GPC3: variants seen among roughly 807,000 people sequenced by gnomAD.
GPC3 encodes the protein glypican 3, also known as glypican-3.
Under a neutral mutation model 34.4 loss-of-function variants are expected in GPC3, and 3 were observed. The ratio of observed to expected loss-of-function variants is 0.09; its 90% CI spans 0.04 to 0.23. The LOEUF (loss-of-function observed/expected upper bound fraction) is 0.23, where lower values mean the gene tolerates loss of function less well. Among genes scored for constraint, GPC3 ranks in the 10% least tolerant of loss-of-function variants. The probability of loss-of-function intolerance (pLI) is 1.00; values close to 1 mark genes in which losing one functional copy is unlikely to be tolerated. For missense variants in GPC3, 351 were observed against 445.6 expected (o/e 0.79, Z 1.91); for synonymous variants, 177 against 174.0 (o/e 1.02, Z -0.13).
At chrX:133,818,179 A>T (rs2075701649) in intron 2 of GPC3, among the ~76,000 whole-genome samples, 1 of 111,502 alleles carries the variant, frequency 9.0e-6, no homozygotes, top group Non-Finnish European at 1.9e-5. Context: ...ATTGCAGCAC[A>T]ATGTAGTGGT....
chrX:133,823,351 GA>G (rs1249767338), intron 2 of GPC3, among the ~76,000 whole-genome samples: 10 of 109,437 alleles, frequency 9.1e-5, no homozygotes, highest in African/African-American at 3.0e-4. Flanking sequence ...AAATTAAAAA[GA>G]AAAACATTTC....
At chrX:133,840,465 C>T (rs2075819028) in intron 2 of GPC3, among the ~76,000 whole-genome samples, 1 of 110,832 alleles carries the variant, frequency 9.0e-6, no homozygotes, top group Admixed American at 9.6e-5. Context: ...TGGCTTCATC[C>T]CTAAAATGGG....
intron 2 of GPC3, among the ~76,000 whole-genome samples, chrX:133,919,673 A>T (rs1458204134): frequency 3.7e-5 from 4 of 109,534 alleles, no homozygotes; most frequent in African/African-American, 1.3e-4. Context: ...ATTTAAAAAA[A>T]ATATTAGCCA....
Position 133,817,908 on chromosome X carries a change from T to C in GPC3, c.338-63732A>G, listed in dbSNP as rs1051719372. Among the ~76,000 whole-genome samples the C allele has an allele frequency of 8.1e-5, 9 of 111,124 alleles. No individual in the cohort carries two copies. In the East Asian group the frequency reaches 2.5e-3, roughly 31 times the overall value. ...AAACACTTTTTTTCCCCATTGGAAA[T>C]TATAAAATGATATCCTAGCTCATTG... On this transcript the variant is annotated intron_variant, in intron 2 of 7. Transcript: ENST00000370818.
chrX:133,888,064 C>A lies in GPC3; in HGVS notation c.337+64986G>T, dbSNP rs771085168. Among the ~76,000 whole-genome samples the A allele has an allele frequency of 5.5e-5, 6 of 109,869 alleles. No individual in the cohort carries two copies. In the South Asian group the frequency reaches 2.4e-3, roughly 45 times the overall value. On this transcript the variant is annotated intron_variant, in intron 2 of 7. Coordinates refer to ENST00000370818, the MANE Select transcript of GPC3 (RefSeq NM_004484.4). ...CATTAGGTATTTCTCCTAATGTTGT[C>A]CCTCCCCTAGCCCCACACCCCACGA... is the stretch of plus-strand genomic sequence containing the variant.
At chrX:133,899,280 T>C (rs989573791) in intron 2 of GPC3, among the ~76,000 whole-genome samples, 4 of 111,765 alleles carry the variant, frequency 3.6e-5, no homozygotes, top group African/African-American at 1.3e-4. Context: ...GGTGTATATT[T>C]ACATCATGAT....
rs5933327 is a variant in GPC3 at position 133,548,008 on chromosome X, C to T, written c.1574-11715G>A. Among the ~76,000 whole-genome samples the T allele has an allele frequency of 3.7e-4, 41 of 111,332 alleles. 1 individual carries two copies. Among genetic ancestry groups the T allele is most frequent in the Admixed American group, 3.2e-3 (33 of 10,423 alleles). On this transcript the variant is annotated intron_variant, in intron 7 of 7. Transcript: ENST00000370818. ...GACACTTTTATACATTCTCAGGAAA[C>T]TTACATTTGCTTTTGTAACTCATAC...
chrX:133,668,577 G>A (rs1388010734), intron 5 of GPC3, among the ~76,000 whole-genome samples: 3 of 109,429 alleles, frequency 2.7e-5, no homozygotes, highest in Admixed American at 2.0e-4. Flanking sequence ...ATCACCCAAA[G>A]CACCTCATGG....
chrX:133,850,946 A>AT (rs1380007183), intron 2 of GPC3, among the ~76,000 whole-genome samples: 1 of 109,472 alleles, frequency 9.1e-6, no homozygotes, highest in African/African-American at 3.3e-5. Flanking sequence ...AATACAAAAA[A>AT]AAAAAAAATT....
At chrX:133,670,016 C>G (rs1024310967) in intron 5 of GPC3, among the ~76,000 whole-genome samples, 1 of 111,585 alleles carries the variant, frequency 9.0e-6, no homozygotes, top group African/African-American at 3.3e-5. Context: ...AAGCCATAAA[C>G]AGAAAAGGAA....
chrX:133,875,599 A>C (rs900440726), intron 2 of GPC3, among the ~76,000 whole-genome samples: 1 of 111,074 alleles, frequency 9.0e-6, no homozygotes, highest in Non-Finnish European at 1.9e-5. Context: ...TGGATATCCC[A>C]GTCTCTCATA....
chrX:133,789,835 G>C (rs1301390565), intron 2 of GPC3, among the ~76,000 whole-genome samples: 2 of 112,838 alleles, frequency 1.8e-5, no homozygotes, highest in Admixed American at 1.9e-4. Flanking sequence ...GTAAACGAGA[G>C]CAGAGAGCAC....
chrX:133,887,665 T>C (rs947680000), intron 2 of GPC3, among the ~76,000 whole-genome samples: 2 of 111,919 alleles, frequency 1.8e-5, no homozygotes, highest in East Asian at 5.6e-4. Flanking sequence ...TGCCAGGGCC[T>C]GATTTTTCAC....
chrX:133,835,498 C>T (rs1372200963), intron 2 of GPC3, among the ~76,000 whole-genome samples: 1 of 111,715 alleles, frequency 9.0e-6, no homozygotes, highest in Non-Finnish European at 1.9e-5. Context: ...TGAACTAATC[C>T]CAAAATTGCA....
intron 2 of GPC3, among the ~76,000 whole-genome samples, chrX:133,805,846 A>G (rs762748567): frequency 5.3e-5 from 6 of 112,202 alleles, no homozygotes; most frequent in Non-Finnish European, 1.1e-4. Flanking sequence ...ACCTTAAAGA[A>G]TCACTTTATA....
chrX:133,864,528 C>T (rs914357303), intron 2 of GPC3, among the ~76,000 whole-genome samples: 1 of 111,654 alleles, frequency 9.0e-6, no homozygotes, highest in Non-Finnish European at 1.9e-5. Flanking sequence ...TTCCACCTGG[C>T]CCCATCACTG....
intron 1 of GPC3, among the ~76,000 whole-genome samples, chrX:133,953,833 G>A (rs1031940970): frequency 1.8e-5 from 2 of 111,746 alleles, no homozygotes; most frequent in South Asian, 3.7e-4. Flanking sequence ...CAAAGTCCCC[G>A]CCCTCATGGA....
In GPC3 at chrX:133,799,401, T is replaced by G. The variant is rs777940655; in HGVS notation, c.338-45225A>C. 3.6e-5 allele frequency among the ~76,000 whole-genome samples: 4 copies of G among 110,411 alleles called. No homozygotes were observed. The East Asian group carries it at 1.2e-3, about 32-fold the overall frequency. On this transcript the variant is annotated intron_variant, in intron 2 of 7. Coordinates refer to ENST00000370818, the MANE Select transcript of GPC3 (RefSeq NM_004484.4). The stretch of plus-strand genomic sequence containing the variant: ...AGCCAGACCCTGTCTCAAAAAAAAG[T>G]CCTGAAGCTACCTCTGGGCCAAAGG...
chrX:133,902,313 C>T, intron 2 of GPC3, among the ~76,000 whole-genome samples: 1 of 112,291 alleles, frequency 8.9e-6, no homozygotes. Context: ...AAATATATTA[C>T]TTTTGTTCTC....
Sources: allele counts gnomAD v4.1 joint callset (sites outside exome capture counted in the v4.1 genomes callset), GRCh38; gene constraint gnomAD v4.1.1; transcripts MANE v1.5; gene names NCBI Gene and HGNC (gene_info 2026-07-23, HGNC 2026-07-21).